Variants in ITGA9 observed in about 807,000 individuals in gnomAD.
ITGA9 encodes integrin alpha-9.
Under a neutral mutation model 127.8 loss-of-function variants are expected in ITGA9, and 56 were observed. That is an observed-to-expected ratio of 0.44 (90% confidence interval 0.35 to 0.55). ITGA9 has a LOEUF of 0.55. Ranked by LOEUF, ITGA9 falls within the 20% of genes least tolerant of loss-of-function variation. The pLI, the probability that ITGA9 is intolerant of heterozygous loss-of-function variation, is 0.00. For synonymous variants in ITGA9, 508 were observed against 514.5 expected (o/e 0.99, Z 0.17); for missense variants, 1,196 against 1,347.1 (o/e 0.89, Z 1.76).
At chr3:37,729,209 GA>G (rs1696256586) in intron 18 of ITGA9, among the ~76,000 whole-genome samples, 3 of 152,146 alleles carry the variant, frequency 2.0e-5, no homozygotes. Context: ...AGTAGTAGAA[GA>G]GAGGGGTATA....
At chr3:37,641,613 C>T (rs1700334503) in intron 16 of ITGA9, among the ~76,000 whole-genome samples, 1 of 152,150 alleles carries the variant, frequency 6.6e-6, no homozygotes, top group Admixed American at 6.5e-5. Flanking sequence ...CATTTGTCAC[C>T]TAGACCAGGT....
chr3:37,600,337 AGAT>A (rs1443692588), intron 15 of ITGA9, among the ~76,000 whole-genome samples: 14 of 152,166 alleles, frequency 9.2e-5, no homozygotes, highest in Non-Finnish European at 5.9e-5. Context: ...CTCTGGTTAT[AGAT>A]TCTTAAGTGG....
chr3:37,615,308 G>A (rs527336685), intron 15 of ITGA9, among the ~76,000 whole-genome samples: 3 of 152,314 alleles, frequency 2.0e-5, no homozygotes, highest in East Asian at 3.9e-4. Flanking sequence ...GCATCCCAGG[G>A]ATGAAGCCCA....
chr3:37,716,035 G>A (rs980117511), intron 18 of ITGA9, among the ~76,000 whole-genome samples: 2 of 152,220 alleles, frequency 1.3e-5, no homozygotes, highest in Non-Finnish European at 2.9e-5. Flanking sequence ...CAGAAAGAAG[G>A]TGGGTGACTT....
chr3:37,734,964 C>A (rs958923330), intron 19 of ITGA9, among the ~76,000 whole-genome samples: 1 of 152,174 alleles, frequency 6.6e-6, no homozygotes, highest in African/African-American at 2.4e-5. Flanking sequence ...TGGAGAAAGC[C>A]CAACAAGTCA....
At chr3:37,590,374 G>A (rs1699803772) in intron 15 of ITGA9, among the ~76,000 whole-genome samples, 1 of 152,214 alleles carries the variant, frequency 6.6e-6, no homozygotes, top group Non-Finnish European at 1.5e-5. Flanking sequence ...TGGAGAGTCA[G>A]GGTGGAGTAG....
At chr3:37,529,847 G>A (rs1699130689) in intron 13 of ITGA9, among the ~76,000 whole-genome samples, 1 of 152,220 alleles carries the variant, frequency 6.6e-6, no homozygotes, top group Non-Finnish European at 1.5e-5. Flanking sequence ...TGGGCTGGGG[G>A]CGAGGGGCCC....
At chr3:37,562,454 C>G (rs866638677) in intron 15 of ITGA9, among the ~76,000 whole-genome samples, 5 of 152,134 alleles carry the variant, frequency 3.3e-5, no homozygotes, top group South Asian at 4.1e-4. Context: ...AGATACTTTT[C>G]TAACCATGCC....
chr3:37,562,972 G>C (rs780065788), intron 15 of ITGA9, among the ~76,000 whole-genome samples: 1 of 132,050 alleles, frequency 7.6e-6, no homozygotes, highest in African/African-American at 2.5e-5. Context: ...AATATTTTAA[G>C]ATGCTTGGCA....
chr3:37,809,576 T>G (rs1005249358), intron 27 of ITGA9, among the ~76,000 whole-genome samples: 1 of 152,050 alleles, frequency 6.6e-6, no homozygotes, highest in Admixed American at 6.6e-5. Context: ...GTTGAGGCAG[T>G]GTTGTAATGT....
Position 37,629,111 on chromosome 3 carries a change from C to G in ITGA9, c.1690-76C>G, listed in dbSNP as rs920985714. The G allele has an allele frequency of 6.5e-7, 1 of 1,547,786 alleles. No individual in the cohort carries two copies. The highest frequency in any genetic ancestry group is 1.4e-5 in the African/African-American group (1 of 73,466). The stretch of plus-strand genomic sequence containing the variant: ...ATATGAGGCAATTCATGTAGAAGGT[C>G]TTTGTAAACTGTGAAATGCTCTACG... On this transcript the variant is annotated intron_variant, in intron 15 of 27. Coordinates refer to ENST00000264741, the MANE Select transcript of ITGA9 (RefSeq NM_002207.3). The surrounding 1 kb of genome is among the most constrained non-coding windows in gnomAD (Gnocchi z 4.5).
chr3:37,551,972 G>A (rs557759369), intron 15 of ITGA9, among the ~76,000 whole-genome samples: 2 of 152,372 alleles, frequency 1.3e-5, no homozygotes, highest in East Asian at 3.9e-4. Flanking sequence ...GGCATCCAGG[G>A]CTGGCTGCAG....
intron 4 of ITGA9, among the ~76,000 whole-genome samples, chr3:37,489,672 A>G (rs1275849353): frequency 7.4e-6 from 1 of 135,120 alleles, no homozygotes; most frequent in South Asian, 2.3e-4. Context: ...TTCTCTCTTC[A>G]TTTTTCTGTA....
chr3:37,639,384 A>G (rs1700311368), intron 16 of ITGA9, among the ~76,000 whole-genome samples: 1 of 152,240 alleles, frequency 6.6e-6, no homozygotes, highest in Admixed American at 6.5e-5. Context: ...TTCACTGCAG[A>G]GGCCACTTCT....
chr3:37,668,939 C>G (rs1385536228), intron 17 of ITGA9, among the ~76,000 whole-genome samples: 4 of 152,212 alleles, frequency 2.6e-5, no homozygotes, highest in African/African-American at 9.6e-5. Flanking sequence ...GGGAAGGTAC[C>G]TTGTAGAAAA....
intron 3 of ITGA9, among the ~76,000 whole-genome samples, chr3:37,475,753 A>G (rs551887631): frequency 9.1e-4 from 139 of 152,342 alleles, no homozygotes; most frequent in South Asian, 2.7e-3. Flanking sequence ...AAAACTTACC[A>G]CCTTAACCAT....
chr3:37,550,310 C>T (rs1699366337), intron 15 of ITGA9, among the ~76,000 whole-genome samples: 1 of 152,222 alleles, frequency 6.6e-6, no homozygotes, highest in Non-Finnish European at 1.5e-5. Context: ...TAACCTGACT[C>T]AGGCTATGAA....
intron 16 of ITGA9, among the ~76,000 whole-genome samples, chr3:37,648,135 C>T (rs1700397180): frequency 1.3e-5 from 2 of 152,076 alleles, no homozygotes; most frequent in Admixed American, 6.6e-5. Flanking sequence ...AATTTACATT[C>T]CTACCAACAA....
chr3:37,803,565 A>C (rs1429878848), intron 26 of ITGA9, among the ~76,000 whole-genome samples: 3 of 152,116 alleles, frequency 2.0e-5, no homozygotes, highest in Non-Finnish European at 4.4e-5. Flanking sequence ...TGGGTGGATC[A>C]CCTGAGGTCA....
Sources: allele counts gnomAD v4.1 joint callset (sites outside exome capture counted in the v4.1 genomes callset), GRCh38; gene constraint gnomAD v4.1.1; non-coding constraint Gnocchi (gnomAD v3.1); transcripts MANE v1.5; gene names NCBI Gene and HGNC (gene_info 2026-07-23, HGNC 2026-07-21).